Variants in PAPPA2 observed in about 807,000 individuals in gnomAD.
PAPPA2 encodes the protein pappalysin-2.
PAPPA2 carries 86 observed loss-of-function variants against 176.4 expected under a neutral mutation model. The observed-to-expected ratio is 0.49, with a 90% CI of 0.41 to 0.58. The LOEUF is 0.58. PAPPA2 is among the 20% of genes least tolerant of loss of function. PAPPA2 has a pLI of 0.00. For synonymous variants in PAPPA2, 809 were observed against 852.2 expected, an observed-to-expected ratio of 0.95 and a Z score of 0.88; for missense variants, 2,073 against 2,256.9, an observed-to-expected ratio of 0.92 and a Z score of 1.65.
chr1:176,533,987 C>G (rs1046518632), intron 1 of PAPPA2, among the ~76,000 whole-genome samples: 1 of 152,184 alleles, frequency 6.6e-6, no homozygotes, highest in African/African-American at 2.4e-5. Flanking sequence ...TCTCATTAAT[C>G]ATTTTTAAAT....
chr1:176,710,513 A>C (rs555656558), intron 11 of PAPPA2, among the ~76,000 whole-genome samples: 3 of 152,352 alleles, frequency 2.0e-5, no homozygotes, highest in Non-Finnish European at 4.4e-5. Context: ...TTATTATTGA[A>C]GAAACCCTTG....
intron 2 of PAPPA2, among the ~76,000 whole-genome samples, chr1:176,569,306 G>C (rs570435405): frequency 6.6e-6 from 1 of 152,260 alleles, no homozygotes; most frequent in East Asian, 1.9e-4. Context: ...TCTAGCCCCT[G>C]ATGTCTGTCC....
chr1:176,494,033 T>A (rs1647458601), intron 1 of PAPPA2, among the ~76,000 whole-genome samples: 1 of 152,208 alleles, frequency 6.6e-6, no homozygotes, highest in Non-Finnish European at 1.5e-5. Flanking sequence ...TGCACAAAAT[T>A]AAATTAAATT....
intron 12 of PAPPA2, among the ~76,000 whole-genome samples, chr1:176,721,765 T>C (rs937590483): frequency 1.3e-5 from 2 of 152,166 alleles, no homozygotes; most frequent in Non-Finnish European, 2.9e-5. Context: ...ATATGTCTGG[T>C]TTGTCAAGCT....
intron 21 of PAPPA2, among the ~76,000 whole-genome samples, chr1:176,821,870 C>T (rs973405835): frequency 6.6e-6 from 1 of 152,142 alleles, no homozygotes; most frequent in African/African-American, 2.4e-5. Flanking sequence ...TACTAGTCAG[C>T]CTTTGCAGTC....
At chr1:176,736,285 G>C (rs1662405109) in intron 12 of PAPPA2, among the ~76,000 whole-genome samples, 1 of 151,626 alleles carries the variant, frequency 6.6e-6, no homozygotes, top group Non-Finnish European at 1.5e-5. Context: ...TCATGTCTAG[G>C]AGAATAAATT....
chr1:176,581,878 G>A (rs147375727), intron 2 of PAPPA2, among the ~76,000 whole-genome samples: 8 of 149,120 alleles, frequency 5.4e-5, no homozygotes, highest in Middle Eastern at 7.0e-3. Flanking sequence ...TTTTTGGGGG[G>A]GTGGAGTCTT....
Position 176,619,887 on chromosome 1 carries a change from C to A in PAPPA2, c.1991+24292C>A, listed in dbSNP as rs558423521. ...TCAGTAAACTCATAATAAAACAATTCATTGATTTTGGTGCCTTATCTTAGG... is the reference window on the plus strand; with the variant it reads ...TCAGTAAACTCATAATAAAACAATTAATTGATTTTGGTGCCTTATCTTAGG... On this transcript the variant is annotated intron_variant, in intron 3 of 22. Coordinates refer to ENST00000367662, the MANE Select transcript of PAPPA2 (RefSeq NM_020318.3). Among the ~76,000 whole-genome samples, 5 of 152,154 alleles carry A rather than the reference C, an allele frequency of 3.3e-5. No individual in the cohort carries two copies. In the South Asian group the frequency reaches 1.0e-3, roughly 32 times the overall value.
rs1651951405 is a variant in PAPPA2 at position 176,472,991 on chromosome 1, A to G, written c.-917+9573A>G. 2.0e-5 allele frequency among the ~76,000 whole-genome samples: 3 copies of G among 152,182 alleles called. No individual in the cohort carries two copies. The South Asian group carries it at 6.2e-4, about 32-fold the overall frequency. On this transcript the variant is annotated intron_variant, in intron 1 of 22. Transcript: ENST00000367662. ...TACTGTCAGCATTTCACCCCAGAGC[A>G]AAACATTTGTTACAATTGATGAGCC...
At chr1:176,612,628 G>A (rs908372192) in intron 3 of PAPPA2, among the ~76,000 whole-genome samples, 3 of 152,120 alleles carry the variant, frequency 2.0e-5, no homozygotes, top group Admixed American at 1.3e-4. Flanking sequence ...AACTGCCATA[G>A]GTAATCATAC....
rs555229534 is a variant in PAPPA2, at chr1:176,710,234, C to A, written c.3651+58C>A. The A allele has an allele frequency of 4.1e-6, 6 of 1,465,206 alleles. No individual in the cohort carries two copies. In the African/African-American group the frequency reaches 7.0e-5, roughly 17 times the overall value. The allele number at this position is 1,465,206 out of a possible 1,614,324, so 90.8% of individuals were successfully genotyped here. A position where few individuals can be genotyped will look rare whatever the true frequency, so the allele number is the denominator to read the frequency against. On this transcript the variant is annotated intron_variant, in intron 11 of 22. Transcript: ENST00000367662. ...GCGCAAAATTGTAAAGTGACTCCCCCTATGCTTACACTTGGGGTCTATGTT... is the reference window on the plus strand; with the variant it reads ...GCGCAAAATTGTAAAGTGACTCCCCATATGCTTACACTTGGGGTCTATGTT...
At chr1:176,525,626 A>G (rs1027064161) in intron 1 of PAPPA2, among the ~76,000 whole-genome samples, 2 of 152,236 alleles carry the variant, frequency 1.3e-5, no homozygotes, top group African/African-American at 2.4e-5. Context: ...CAATTCTGAT[A>G]TACAGACAGG....
chr1:176,536,734 C>T (rs1299025787), intron 1 of PAPPA2, among the ~76,000 whole-genome samples: 2 of 152,214 alleles, frequency 1.3e-5, no homozygotes, highest in African/African-American at 4.8e-5. Context: ...CAAGCATCTG[C>T]TTGGTCACAT....
intron 2 of PAPPA2, among the ~76,000 whole-genome samples, chr1:176,591,118 C>T (rs1431503395): frequency 6.7e-6 from 1 of 149,938 alleles, no homozygotes; most frequent in Admixed American, 6.6e-5. Context: ...CACACACACA[C>T]ACACACAAAA....
chr1:176,722,607 G>A (rs1214882453), intron 12 of PAPPA2, among the ~76,000 whole-genome samples: 2 of 151,632 alleles, frequency 1.3e-5, no homozygotes, highest in East Asian at 3.9e-4. Flanking sequence ...TTTCTATTTG[G>A]CTTTTTATAC....
At chr1:176,790,209 G>A (rs1220583217) in intron 18 of PAPPA2, among the ~76,000 whole-genome samples, 1 of 152,166 alleles carries the variant, frequency 6.6e-6, no homozygotes, top group East Asian at 1.9e-4. Flanking sequence ...AATGGGTAGA[G>A]TACCAGGTAT....
Position 176,695,788 on chromosome 1 carries a change from A to T in PAPPA2, c.2675A>T (p.Gln892Leu). 1 of 1,614,062 alleles carries T rather than the reference A, an allele frequency of 6.2e-7. No homozygotes were observed. ...TGCACTGAAGATGGGACCTTTCGTC[A>T]GTATGTGCACACAGCTTCCTCCCGG... Reference protein sequence around the residue: ...GACTEDGTFRQYVHTASSRRV... With the variant: ...GACTEDGTFRLYVHTASSRRV... Residue 892 changes from glutamine to leucine, a missense_variant, in exon 7 of 23, where the codon CAG becomes CTG. This residue lies in a region of PAPPA2 where 1,196 missense variants were observed against 1,330.4 expected (regional missense o/e 0.90). Transcript: ENST00000367662.
chr1:176,695,896 G>T, intron 7 of PAPPA2, 37 bp downstream of exon 7: 2 of 1,608,218 alleles, frequency 1.2e-6, no homozygotes, highest in South Asian at 1.1e-5. Flanking sequence ...ATACCCTGGT[G>T]ACCACTGAGG....
At chr1:176,645,203 T>C (rs1657329215) in intron 3 of PAPPA2, among the ~76,000 whole-genome samples, 1 of 151,764 alleles carries the variant, frequency 6.6e-6, no homozygotes, top group Admixed American at 6.6e-5. Flanking sequence ...TCTTTCAAAT[T>C]GTACATTTGT....
Sources: allele counts gnomAD v4.1 joint callset (sites outside exome capture counted in the v4.1 genomes callset), GRCh38; gene constraint gnomAD v4.1.1; regional missense constraint gnomAD v4.1.1; transcripts MANE v1.5; gene names NCBI Gene and HGNC (gene_info 2026-07-23, HGNC 2026-07-21).